The following LRRC4C variants were observed in gnomAD, a reference collection of about 807,000 sequenced individuals.
The protein encoded by LRRC4C is leucine-rich repeat-containing protein 4C.
In LRRC4C, 5 loss-of-function variants were observed where a neutral mutation model predicts 33.6. The ratio of observed to expected loss-of-function variants is 0.15; its 90% CI spans 0.08 to 0.31. The LOEUF is 0.31. LRRC4C is among the 10% of genes least tolerant of loss of function. The pLI, the probability that LRRC4C is intolerant of heterozygous loss-of-function variation, is 1.00. For synonymous variants in LRRC4C, 329 were observed against 302.0 expected (o/e 1.09, Z -0.93); for missense variants, 560 against 796.7 (o/e 0.70, Z 3.58).
At chr11:40,478,941 A>G (rs1224990295) in intron 3 of LRRC4C, among the ~76,000 whole-genome samples, 1 of 152,164 alleles carries the variant, frequency 6.6e-6, no homozygotes, top group Non-Finnish European at 1.5e-5. Context: ...ATTGGCTGTT[A>G]TAGGGGAGAA....
chr11:40,224,403 C>T (rs1443377213), intron 5 of LRRC4C, among the ~76,000 whole-genome samples: 1 of 152,178 alleles, frequency 6.6e-6, no homozygotes, highest in African/African-American at 2.4e-5. Context: ...ATTTGCCTGA[C>T]TTTTTCAGTG....
chr11:40,217,521 C>T (rs896760932), intron 5 of LRRC4C, among the ~76,000 whole-genome samples: 1 of 152,018 alleles, frequency 6.6e-6, no homozygotes, highest in Non-Finnish European at 1.5e-5. Flanking sequence ...TTCTGCATCT[C>T]CTTAATTTCT....
intron 1 of LRRC4C, among the ~76,000 whole-genome samples, chr11:41,027,321 C>G (rs1045969627): frequency 6.6e-6 from 1 of 151,568 alleles, no homozygotes; most frequent in East Asian, 1.9e-4. Context: ...GGTACTTGAC[C>G]TTGGGAAAAC....
chr11:40,301,879 C>G (rs2136670925), intron 4 of LRRC4C, among the ~76,000 whole-genome samples: 1 of 152,272 alleles, frequency 6.6e-6, no homozygotes. Context: ...ACAAAAATGA[C>G]TCTCTAAGGG....
intron 3 of LRRC4C, among the ~76,000 whole-genome samples, chr11:40,636,470 A>T (rs1227564496): frequency 6.6e-6 from 1 of 152,132 alleles, no homozygotes; most frequent in Non-Finnish European, 1.5e-5. Context: ...CAGAAAGTAA[A>T]GGAAAACCAA....
Position 41,229,802 on chromosome 11 carries a change from T to A in LRRC4C, c.-496+229629A>T, listed in dbSNP as rs1260313074. On this transcript the variant is annotated intron_variant, in intron 1 of 6. Transcript: ENST00000528697. ...AAATGTCACACCGAGCATTTAATGA[T>A]TGTTTCCCCCTGATAACTCTGATGT... is the stretch of plus-strand genomic sequence containing the variant. 2.0e-5 allele frequency among the ~76,000 whole-genome samples: 3 copies of A among 152,084 alleles called. No homozygotes were observed. In the East Asian group the frequency reaches 5.8e-4, roughly 29 times the overall value.
At chr11:40,283,018 A>T (rs1943586030) in intron 4 of LRRC4C, among the ~76,000 whole-genome samples, 1 of 152,236 alleles carries the variant, frequency 6.6e-6, no homozygotes, top group South Asian at 2.1e-4. Context: ...TTTGATAATC[A>T]TTCATGAGTA....
At chr11:40,919,310 G>A (rs781342991) in intron 2 of LRRC4C, among the ~76,000 whole-genome samples, 5 of 152,102 alleles carry the variant, frequency 3.3e-5, no homozygotes, top group Non-Finnish European at 5.9e-5. Context: ...TTTTAAAGTC[G>A]TGCATGTAAA....
intron 2 of LRRC4C, among the ~76,000 whole-genome samples, chr11:40,893,043 A>C (rs1955789899): frequency 6.6e-6 from 1 of 151,846 alleles, no homozygotes. Flanking sequence ...TAACTCCTAC[A>C]AAAAAAATAA....
chr11:41,362,680 C>T (rs965221810), intron 1 of LRRC4C, among the ~76,000 whole-genome samples: 3 of 152,162 alleles, frequency 2.0e-5, no homozygotes. Context: ...AGTCTAAAAG[C>T]AGTTTCACTG....
chr11:40,228,668 T>A (rs927086012), intron 5 of LRRC4C, among the ~76,000 whole-genome samples: 1 of 152,238 alleles, frequency 6.6e-6, no homozygotes, highest in East Asian at 1.9e-4. Flanking sequence ...TGTGGAAGAA[T>A]GCTCACAAAT....
intron 1 of LRRC4C, among the ~76,000 whole-genome samples, chr11:41,075,555 T>C (rs1005359109): frequency 5.3e-5 from 8 of 152,124 alleles, no homozygotes; most frequent in Non-Finnish European, 1.0e-4. Context: ...TCACTATCTA[T>C]CTTCTAAACC....
chr11:40,595,504 CCTT>C lies in LRRC4C; in HGVS notation c.-270+52635_-270+52637del, dbSNP rs148240706. ...TGGGAACCAGCATGTACACATTTCT[CCTT>C]CTTCTTCTCTTCCTCTTCTTCCTCT... On this transcript the variant is annotated intron_variant, in intron 3 of 6. Transcript: ENST00000528697. Among the ~76,000 whole-genome samples, 772 of 152,134 alleles carry C rather than the reference CCTT, an allele frequency of 5.1e-3. 6 individuals carry two copies. Among genetic ancestry groups the C allele is most frequent in the African/African-American group, 0.018 (728 of 41,520 alleles).
rs1946120405 is a variant in LRRC4C, at chr11:41,195,005, T to C, written c.-495-261282A>G. 2.0e-5 allele frequency among the ~76,000 whole-genome samples: 3 copies of C among 152,154 alleles called. No individual in the cohort carries two copies. The South Asian group carries it at 6.2e-4, about 32-fold the overall frequency. On this transcript the variant is annotated intron_variant, in intron 1 of 6. Coordinates refer to ENST00000528697, the MANE Select transcript of LRRC4C (RefSeq NM_001258419.2). The stretch of plus-strand genomic sequence containing the variant: ...TTTGCAGAGCCCACCAAAGTGGTAA[T>C]ACTCACTAAGATAAAAAAAAAAACT...
chr11:40,995,602 G>A (rs1390123407), intron 1 of LRRC4C, among the ~76,000 whole-genome samples: 3 of 151,994 alleles, frequency 2.0e-5, no homozygotes. Flanking sequence ...GATGTCTATT[G>A]CTATCTAATT....
intron 2 of LRRC4C, among the ~76,000 whole-genome samples, chr11:40,716,248 T>C (rs1369881286): frequency 2.0e-5 from 3 of 152,146 alleles, no homozygotes; most frequent in Non-Finnish European, 2.9e-5. Context: ...GCAAGGTCCT[T>C]AGGGAGCTGG....
intron 3 of LRRC4C, among the ~76,000 whole-genome samples, chr11:40,410,091 T>C (rs1425802820): frequency 6.6e-6 from 1 of 152,120 alleles, no homozygotes; most frequent in East Asian, 1.9e-4. Context: ...TGTATCACAC[T>C]ACAACGACAG....
intron 3 of LRRC4C, among the ~76,000 whole-genome samples, chr11:40,336,356 C>T (rs746781306): frequency 3.3e-5 from 5 of 152,142 alleles, no homozygotes; most frequent in Non-Finnish European, 5.9e-5. Context: ...CTGGCTAATA[C>T]GTATTTCCCA....
intron 3 of LRRC4C, among the ~76,000 whole-genome samples, chr11:40,420,957 GTCA>G (rs373126019): frequency 9.9e-4 from 151 of 152,226 alleles, no homozygotes; most frequent in African/African-American, 3.5e-3. Context: ...CACCCTCATG[GTCA>G]TCATCAAGTT....
Sources: allele counts gnomAD v4.1 joint callset (sites outside exome capture counted in the v4.1 genomes callset), GRCh38; gene constraint gnomAD v4.1.1; transcripts MANE v1.5; gene names NCBI Gene and HGNC (gene_info 2026-07-23, HGNC 2026-07-21).